Variants in GRIN2B observed in about 807,000 individuals in gnomAD.
GRIN2B encodes glutamate ionotropic receptor NMDA type subunit 2B.
A neutral mutation model predicts 114.5 loss-of-function variants in GRIN2B; 5 were observed. That is an observed-to-expected ratio of 0.04 (90% CI 0.02 to 0.09). The LOEUF is 0.09. Among genes scored for constraint, GRIN2B ranks in the 10% least tolerant of loss-of-function variants. GRIN2B has a pLI of 1.00. For missense variants in GRIN2B, 1,108 were observed against 1,943.5 expected (o/e 0.57, Z 8.08); for synonymous variants, 787 against 745.1 (o/e 1.06, Z -0.92).
In GRIN2B at chr12:13,615,980, C is replaced by G. The variant is rs78996365; in HGVS notation, c.1329-316G>C. The stretch of plus-strand genomic sequence containing the variant: ...CAGACTGAACTCTTATTAATCAGCA[C>G]CCGGATCCAGATACAGAAAAGTTAC... On this transcript the variant is annotated intron_variant, in intron 6 of 13. Transcript: ENST00000609686. This position sits in a 1 kb window ranked among gnomAD's most constrained non-coding sequence, Gnocchi z 5.8. Among the ~76,000 whole-genome samples, 1 of 152,150 alleles carries G rather than the reference C, an allele frequency of 6.6e-6. No homozygotes were observed. Among genetic ancestry groups the G allele is most frequent in the African/African-American group, 2.4e-5 (1 of 41,430 alleles).
chr12:13,661,831 G>A (rs954119325), intron 5 of GRIN2B, among the ~76,000 whole-genome samples: 1 of 152,158 alleles, frequency 6.6e-6, no homozygotes, highest in African/African-American at 2.4e-5. Context: ...ATGGGAATCT[G>A]AATTTTTAAA....
Position 13,543,736 on chromosome 12 carries a change from T to C in GRIN2B, c.*19047A>G, listed in dbSNP as rs149198563. 1 of 152,218 alleles carries C rather than the reference T, an allele frequency of 6.6e-6. No homozygotes were observed. Among genetic ancestry groups the C allele is most frequent in the African/African-American group, 2.4e-5 (1 of 41,526 alleles). The allele number at this position is 152,218 out of a possible 1,614,324, so 9.4% of individuals were successfully genotyped here. A position where few individuals can be genotyped will look rare whatever the true frequency, so the allele number is the denominator to read the frequency against. On this transcript the variant is annotated 3_prime_UTR_variant, in exon 14 of 14. Coordinates refer to ENST00000609686, the MANE Select transcript of GRIN2B (RefSeq NM_000834.5). ...GCTTTCTTCCTTCCAAAACCTCCAATACTCTTCCCCTATACTCACTCTTAA... is the reference window on the plus strand; with the variant it reads ...GCTTTCTTCCTTCCAAAACCTCCAACACTCTTCCCCTATACTCACTCTTAA...
intron 4 of GRIN2B, among the ~76,000 whole-genome samples, chr12:13,748,196 G>C (rs377746341): frequency 2.0e-4 from 31 of 152,198 alleles, no homozygotes; most frequent in Admixed American, 2.0e-3. Context: ...CTGGGGAAAA[G>C]TAATTAGGCA....
intron 5 of GRIN2B, among the ~76,000 whole-genome samples, chr12:13,662,043 C>A (rs1056223735): frequency 2.0e-5 from 3 of 152,010 alleles, no homozygotes; most frequent in Admixed American, 6.6e-5. Context: ...TGAAAGAAAG[C>A]CAAAAGATGC....
At chr12:13,830,194 A>G (rs1286108978) in intron 3 of GRIN2B, among the ~76,000 whole-genome samples, 1 of 152,212 alleles carries the variant, frequency 6.6e-6, no homozygotes, top group Non-Finnish European at 1.5e-5. Flanking sequence ...CCAAAACAAA[A>G]GCAGGGCACA....
At chr12:13,871,982 T>C (rs952357784) in intron 2 of GRIN2B, among the ~76,000 whole-genome samples, 1 of 145,006 alleles carries the variant, frequency 6.9e-6, no homozygotes, top group Non-Finnish European at 1.5e-5. Flanking sequence ...TCCCACCCAA[T>C]CATCCCACCA....
At chr12:13,916,795 G>A (rs553928607) in intron 2 of GRIN2B, among the ~76,000 whole-genome samples, 2 of 147,952 alleles carry the variant, frequency 1.4e-5, no homozygotes, top group South Asian at 4.3e-4. Context: ...GATGACAATG[G>A]GCTCAAAGTT....
At chr12:13,901,304 A>C (rs1004198833) in intron 2 of GRIN2B, among the ~76,000 whole-genome samples, 3 of 152,146 alleles carry the variant, frequency 2.0e-5, no homozygotes, top group Admixed American at 2.0e-4. Flanking sequence ...CTATTTGTCC[A>C]CTTTACCACT....
At chr12:13,957,670 G>A (rs941016418) in intron 2 of GRIN2B, among the ~76,000 whole-genome samples, 2 of 152,078 alleles carry the variant, frequency 1.3e-5, no homozygotes, top group East Asian at 1.9e-4. Flanking sequence ...AGGAGCTGGC[G>A]GTTTCTCCTC....
intron 5 of GRIN2B, among the ~76,000 whole-genome samples, chr12:13,662,666 C>T (rs1018335703): frequency 6.6e-6 from 1 of 152,140 alleles, no homozygotes; most frequent in Non-Finnish European, 1.5e-5. Flanking sequence ...GTGCCCAGCC[C>T]TTAGTAGGGG....
intron 2 of GRIN2B, among the ~76,000 whole-genome samples, chr12:13,911,037 T>C (rs1056195717): frequency 6.6e-6 from 1 of 152,100 alleles, no homozygotes; most frequent in Non-Finnish European, 1.5e-5. Context: ...TGCATCTCCC[T>C]GGACCAGGCC....
chr12:13,594,746 T>C (rs1949051921), intron 10 of GRIN2B, among the ~76,000 whole-genome samples: 1 of 151,556 alleles, frequency 6.6e-6, no homozygotes, highest in Non-Finnish European at 1.5e-5. Flanking sequence ...TGGCTGCTTG[T>C]CTAGGCCATC....
intron 6 of GRIN2B, 151 bp downstream of exon 6, chr12:13,616,304 G>T: frequency 2.9e-6 from 2 of 694,266 alleles, no homozygotes; most frequent in Non-Finnish European, 5.3e-6. Flanking sequence ...TCAGACCAGA[G>T]GGCTGCCAGT....
chr12:13,717,412 C>A (rs1339097770), intron 4 of GRIN2B, among the ~76,000 whole-genome samples: 2 of 151,866 alleles, frequency 1.3e-5, no homozygotes, highest in East Asian at 3.9e-4. Context: ...TATCATCAAC[C>A]CTTAAACAAA....
intron 10 of GRIN2B, among the ~76,000 whole-genome samples, chr12:13,591,390 T>A (rs1949007342): frequency 6.6e-6 from 1 of 152,232 alleles, no homozygotes; most frequent in Middle Eastern, 3.2e-3. Flanking sequence ...TATTGAGGAT[T>A]TAGCATGCTT....
chr12:13,783,358 A>G (rs1300969583), intron 3 of GRIN2B, among the ~76,000 whole-genome samples: 4 of 152,204 alleles, frequency 2.6e-5, no homozygotes, highest in Non-Finnish European at 5.9e-5. Context: ...AGGCAACAGG[A>G]TTCCCTATGT....
At chr12:13,866,314 C>A in intron 2 of GRIN2B, 88 bp from the exon 3 acceptor site, 1 of 1,134,912 alleles carries the variant, frequency 8.8e-7, no homozygotes, top group Non-Finnish European at 1.3e-6. Context: ...ATTCAAGGAC[C>A]TTATCTCCTT....
intron 4 of GRIN2B, among the ~76,000 whole-genome samples, chr12:13,695,066 T>A (rs1233645455): frequency 6.6e-6 from 1 of 152,134 alleles, no homozygotes; most frequent in Admixed American, 6.5e-5. Flanking sequence ...TATGGAAAGC[T>A]GCAAAGGGAT....
intron 2 of GRIN2B, among the ~76,000 whole-genome samples, chr12:13,948,561 G>A (rs906854836): frequency 1.3e-5 from 2 of 152,050 alleles, no homozygotes; most frequent in African/African-American, 4.8e-5. Context: ...AACACGGTTG[G>A]TGGTGGCAGA....
Sources: allele counts gnomAD v4.1 joint callset (sites outside exome capture counted in the v4.1 genomes callset), GRCh38; gene constraint gnomAD v4.1.1; non-coding constraint Gnocchi (gnomAD v3.1); transcripts MANE v1.5; gene names NCBI Gene and HGNC (gene_info 2026-07-23, HGNC 2026-07-21).